Variants in CLEC19A observed in about 807,000 individuals in gnomAD.
CLEC19A encodes C-type lectin domain family 19 member A.
A neutral mutation model predicts 26.1 loss-of-function variants in CLEC19A; 21 were observed. The ratio of observed to expected loss-of-function variants is 0.80; its 90% CI spans 0.57 to 1.16. The LOEUF (loss-of-function observed/expected upper bound fraction) is 1.16, where lower values mean the gene tolerates loss of function less well. Among genes scored for constraint, CLEC19A ranks in the 50% most tolerant of loss-of-function variants. The probability of loss-of-function intolerance (pLI) is 0.00; values close to 1 mark genes in which losing one functional copy is unlikely to be tolerated. For missense variants in CLEC19A, 224 were observed against 227.6 expected (o/e 0.98, Z 0.10); for synonymous variants, 89 against 88.6 (o/e 1.00, Z -0.03).
chr16:19,302,822 G>C (rs1340728219), intron 2 of CLEC19A, among the ~76,000 whole-genome samples: 1 of 152,206 alleles, frequency 6.6e-6, no homozygotes, highest in Non-Finnish European at 1.5e-5. Flanking sequence ...CTTCAATGCA[G>C]CAGTTCCAAG....
Position 19,310,799 on chromosome 16 carries a change from G to A in CLEC19A, c.*1716G>A, listed in dbSNP as rs1462940752. On this transcript the variant is annotated 3_prime_UTR_variant, in exon 5 of 5. Transcript: ENST00000636231. ...GATGTGTGGAGGGGGAATAGAAAGTGAGTGCTAATAGGTATGGGATTACTT... is the reference window on the plus strand; with the variant it reads ...GATGTGTGGAGGGGGAATAGAAAGTAAGTGCTAATAGGTATGGGATTACTT... The A allele has an allele frequency of 6.6e-6, 1 of 152,216 alleles. No homozygotes were observed. Among genetic ancestry groups the A allele is most frequent in the Admixed American group, 6.5e-5 (1 of 15,276 alleles). 9.4% of individuals were successfully genotyped at this position (152,216 alleles called of 1,614,324 possible).
intron 2 of CLEC19A, among the ~76,000 whole-genome samples, chr16:19,301,727 G>GTGTTTTTTTTTTTTTT (rs1897825204): frequency 3.5e-5 from 1 of 28,556 alleles, no homozygotes; most frequent in African/African-American, 8.6e-5. Context: ...CCATGCCCAG[G>GTGTTTTTTTTTTTTTT]TTTTTTTGGT....
In CLEC19A at chr16:19,300,409, G is replaced by A. The variant is rs949675344; in HGVS notation, c.254+1571G>A. On this transcript the variant is annotated intron_variant, in intron 2 of 4. Transcript: ENST00000636231. Reference sequence around the variant, plus strand: ...ACAAAAAACAAAAAATTAGCCTGACGTGGTGATGCACACCTGTAGTCCCAG... The same window carrying A: ...ACAAAAAACAAAAAATTAGCCTGACATGGTGATGCACACCTGTAGTCCCAG... Among the ~76,000 whole-genome samples the A allele has an allele frequency of 8.2e-4, 125 of 151,906 alleles. 1 individual carries two copies. Among genetic ancestry groups the A allele is most frequent in the African/African-American group, 2.9e-3 (119 of 41,422 alleles).
intron 3 of CLEC19A, chr16:19,304,779 A>G (rs1374905401): frequency 1.3e-5 from 2 of 152,638 alleles, no homozygotes; most frequent in African/African-American, 4.8e-5. Flanking sequence ...AACAAAAAAG[A>G]GGAAGGAGGC....
intron 1 of CLEC19A, among the ~76,000 whole-genome samples, chr16:19,290,467 C>T (rs1014594967): frequency 6.6e-6 from 1 of 152,168 alleles, no homozygotes; most frequent in African/African-American, 2.4e-5. Context: ...CCTCTGCACA[C>T]ACTGTGTCCT....
At chr16:19,298,575 A>T (rs1380206672) in intron 1 of CLEC19A, 98 bp from the exon 2 acceptor site, 1 of 1,299,770 alleles carries the variant, frequency 7.7e-7, no homozygotes, top group Non-Finnish European at 1.0e-6. Flanking sequence ...CTTAAAAAAA[A>T]TTAAAAGATT....
chr16:19,297,090 A>G (rs1293837126), intron 1 of CLEC19A, among the ~76,000 whole-genome samples: 1 of 152,228 alleles, frequency 6.6e-6, no homozygotes, highest in African/African-American at 2.4e-5. Flanking sequence ...GTGGTTTCCA[A>G]AAAAAGTATC....
In CLEC19A at chr16:19,310,118, A is replaced by G. The variant is rs1222612643; in HGVS notation, c.*1035A>G. The G allele has an allele frequency of 6.6e-6, 1 of 152,188 alleles. No homozygotes were observed. The highest frequency in any genetic ancestry group is 2.4e-5 in the African/African-American group (1 of 41,446). 9.4% of individuals were successfully genotyped at this position (152,188 alleles called of 1,614,324 possible). ...AAAAGTTAAACATAGAATTACATCT[A>G]AGCCAGCAATTCCACTCCTAGATCT... On this transcript the variant is annotated 3_prime_UTR_variant, in exon 5 of 5. Coordinates refer to ENST00000636231, the MANE Select transcript of CLEC19A (RefSeq NM_001256720.2).
chr16:19,297,888 T>G (rs1897737547), intron 1 of CLEC19A, among the ~76,000 whole-genome samples: 1 of 152,128 alleles, frequency 6.6e-6, no homozygotes, highest in South Asian at 2.1e-4. Context: ...ATGTATATGT[T>G]TTTTGGACCT....
chr16:19,290,370 T>C (rs1897558023), intron 1 of CLEC19A, among the ~76,000 whole-genome samples: 1 of 145,914 alleles, frequency 6.9e-6, no homozygotes. Flanking sequence ...ACCAGTCTCA[T>C]CTCTTCCCTC....
chr16:19,298,037 G>A (rs538184754), intron 1 of CLEC19A, among the ~76,000 whole-genome samples: 2 of 152,010 alleles, frequency 1.3e-5, no homozygotes, highest in South Asian at 2.1e-4. Flanking sequence ...GATCACCTGA[G>A]GTCGAGACTT....
At chr16:19,301,756 T>G (rs8064167) in intron 2 of CLEC19A, among the ~76,000 whole-genome samples, 9,248 of 132,550 alleles carry the variant, frequency 0.07, 768 homozygotes, top group East Asian at 0.28. Context: ...TTTTTTTTTT[T>G]TTTTTTTTGT....
rs1188278232 is a variant in CLEC19A, at chr16:19,309,971, A to G, written c.*888A>G. 4 of 152,216 alleles carry G rather than the reference A, an allele frequency of 2.6e-5. No individual in the cohort carries two copies. The East Asian group carries it at 5.8e-4, about 22-fold the overall frequency. The allele number at this position is 152,216 out of a possible 1,614,324, so 9.4% of individuals were successfully genotyped here. Reference sequence around the variant, plus strand: ...GAATACATCTTAAATATTCCCGTCAACACATGGGCTCAAAGATGAGGCTGG... The same window carrying G: ...GAATACATCTTAAATATTCCCGTCAGCACATGGGCTCAAAGATGAGGCTGG... On this transcript the variant is annotated 3_prime_UTR_variant, in exon 5 of 5. Coordinates refer to ENST00000636231, the MANE Select transcript of CLEC19A (RefSeq NM_001256720.2).
At chr16:19,302,889 G>A (rs953911528) in intron 2 of CLEC19A, among the ~76,000 whole-genome samples, 1 of 152,172 alleles carries the variant, frequency 6.6e-6, no homozygotes, top group African/African-American at 2.4e-5. Context: ...AGAAACTTGG[G>A]TCTTCTCCAC....
At chr16:19,294,038 C>T (rs189787416) in intron 1 of CLEC19A, among the ~76,000 whole-genome samples, 283 of 152,104 alleles carry the variant, frequency 1.9e-3, no homozygotes, top group Admixed American at 3.9e-3. Flanking sequence ...ATTAACCACC[C>T]CCACTTTTCC....
chr16:19,307,813 C>T (rs563091523), intron 4 of CLEC19A, 136 bp downstream of exon 4: 9 of 1,147,670 alleles, frequency 7.8e-6, no homozygotes, highest in South Asian at 1.6e-5. Flanking sequence ...CCTTGGAGAG[C>T]GGTGGAGGTC....
In CLEC19A at chr16:19,309,389, C is replaced by T. The variant is rs1898022988; in HGVS notation, c.*306C>T. The T allele has an allele frequency of 3.9e-6, 1 of 254,048 alleles. No individual in the cohort carries two copies. The highest frequency in any genetic ancestry group is 2.3e-5 in the African/African-American group (1 of 43,304). 15.7% of individuals were successfully genotyped at this position (254,048 alleles called of 1,614,324 possible). A position where few individuals can be genotyped will look rare whatever the true frequency, so the allele number is the denominator to read the frequency against. ...CCTGGCTCGGGTCACGTGCCCATCC[C>T]TGAAGCAATCACTTTGGCATATGCT... On this transcript the variant is annotated 3_prime_UTR_variant, in exon 5 of 5. Transcript: ENST00000636231.
intron 3 of CLEC19A, among the ~76,000 whole-genome samples, chr16:19,304,558 G>A (rs967940740): frequency 1.3e-5 from 2 of 152,042 alleles, no homozygotes; most frequent in South Asian, 2.1e-4. Flanking sequence ...AAAATTAGCT[G>A]GGCGCTGTTG....
chr16:19,292,507 C>A (rs982267860), intron 1 of CLEC19A, among the ~76,000 whole-genome samples: 2 of 152,170 alleles, frequency 1.3e-5, no homozygotes, highest in Non-Finnish European at 2.9e-5. Flanking sequence ...CAAGAGGCTG[C>A]CCTCAAGAAG....
Sources: gnomAD v4.1 joint callset for allele counts (sites outside exome capture counted in the v4.1 genomes callset) on GRCh38, gnomAD v4.1.1 for gene constraint, MANE v1.5 for transcripts, NCBI Gene and HGNC (gene_info 2026-07-23, HGNC 2026-07-21) for gene names.